The following MAP4K4 variants were observed in gnomAD, a reference collection of about 807,000 sequenced individuals.
MAP4K4 encodes mitogen-activated protein kinase kinase kinase kinase 4, also known as HPK/GCK-like kinase HGK.
In MAP4K4, 38 loss-of-function variants were observed where a neutral mutation model predicts 189.6. The ratio of observed to expected loss-of-function variants is 0.20; its 90% CI spans 0.15 to 0.26. The LOEUF is 0.26. Ranked by LOEUF, MAP4K4 falls within the 10% of genes least tolerant of loss-of-function variation. The probability of loss-of-function intolerance (pLI) is 1.00; values close to 1 mark genes in which losing one functional copy is unlikely to be tolerated. For missense variants in MAP4K4, 1,054 were observed against 1,726.9 expected (o/e 0.61, Z 6.91); for synonymous variants, 610 against 624.3 (o/e 0.98, Z 0.34).
intron 2 of MAP4K4, among the ~76,000 whole-genome samples, chr2:101,737,281 A>G (rs1229197963): frequency 6.6e-6 from 1 of 151,656 alleles, no homozygotes; most frequent in African/African-American, 2.4e-5. Flanking sequence ...AGCTCTAACA[A>G]GCTGCCACCC....
In MAP4K4 at chr2:101,793,840, G is replaced by C. The variant is rs1196659240; in HGVS notation, c.180+3064G>C. On this transcript the variant is annotated intron_variant, in intron 3 of 32. Transcript: ENST00000324219. ...TAGAGCTGGCTGCAGACAATGCAAAGATGTGGGCCCACTTCACTTGCTTTA... is the reference window on the plus strand; with the variant it reads ...TAGAGCTGGCTGCAGACAATGCAAACATGTGGGCCCACTTCACTTGCTTTA... 9.2e-5 allele frequency among the ~76,000 whole-genome samples: 14 copies of C among 152,242 alleles called. No homozygotes were observed. The South Asian group carries it at 1.0e-3, about 11-fold the overall frequency.
At chr2:101,788,591 GA>G (rs1409816687) in intron 2 of MAP4K4, among the ~76,000 whole-genome samples, 1 of 152,184 alleles carries the variant, frequency 6.6e-6, no homozygotes, top group African/African-American at 2.4e-5. Flanking sequence ...CTAATTTGGA[GA>G]CCTAGTAAGT....
chr2:101,718,365 A>G (rs2049676570), intron 2 of MAP4K4, among the ~76,000 whole-genome samples: 1 of 152,156 alleles, frequency 6.6e-6, no homozygotes, highest in Non-Finnish European at 1.5e-5. Context: ...AGGTTAAGTA[A>G]CTTGCCTAAA....
chr2:101,835,884 C>T lies in MAP4K4; in HGVS notation c.695-16C>T, dbSNP rs367618300. 71 of 1,578,736 alleles carry T rather than the reference C, an allele frequency of 4.5e-5. No individual in the cohort carries two copies. Among genetic ancestry groups the T allele is most frequent in the East Asian group, 2.9e-4 (13 of 44,692 alleles). ...GAAATAAGTGCCATACTGACACGAC[C>T]GTCTCCTCTCCCCAGCTCTCTGTGA... On this transcript the variant is annotated splice_polypyrimidine_tract_variant and intron_variant, in intron 8 of 32. Transcript: ENST00000324219.
At chr2:101,730,657 C>G (rs1291960664) in intron 2 of MAP4K4, among the ~76,000 whole-genome samples, 1 of 152,162 alleles carries the variant, frequency 6.6e-6, no homozygotes, top group Non-Finnish European at 1.5e-5. Flanking sequence ...ATTCACATGG[C>G]TTCAGTAGGG....
intron 2 of MAP4K4, among the ~76,000 whole-genome samples, chr2:101,730,216 G>A (rs963264977): frequency 6.6e-6 from 1 of 152,142 alleles, no homozygotes; most frequent in Non-Finnish European, 1.5e-5. Flanking sequence ...CTTTCTGTCA[G>A]GATTCTGGAA....
chr2:101,735,781 G>C (rs2060087101), intron 2 of MAP4K4, among the ~76,000 whole-genome samples: 1 of 152,182 alleles, frequency 6.6e-6, no homozygotes, highest in South Asian at 2.1e-4. Context: ...GTTGGATTAG[G>C]AGCTAGAAAA....
At chr2:101,839,713 C>T (rs1023190088) in intron 9 of MAP4K4, 106 bp from the exon 10 acceptor site, 17 of 806,464 alleles carry the variant, frequency 2.1e-5, no homozygotes, top group African/African-American at 8.7e-5. Flanking sequence ...AGAATGTTCA[C>T]AGTGAATTCT....
At position 101,856,224 on chromosome 2, in the gene MAP4K4, A is replaced by G; in HGVS notation, c.1395+86A>G. Reference sequence around the variant, plus strand: ...GGGGATTTTTAGAAAGTATACACACATGTGATGCATACACACATGTACACA... The same window carrying G: ...GGGGATTTTTAGAAAGTATACACACGTGTGATGCATACACACATGTACACA... On this transcript the variant is annotated intron_variant, in intron 13 of 32. Coordinates refer to ENST00000324219, the Ensembl canonical transcript of MAP4K4. 4.7e-6 allele frequency: 6 copies of G among 1,286,280 alleles called. 1 individual carries two copies. The South Asian group carries it at 8.6e-5, about 19-fold the overall frequency. The allele number at this position is 1,286,280 out of a possible 1,614,324, so 79.7% of individuals were successfully genotyped here. A position where few individuals can be genotyped will look rare whatever the true frequency, so the allele number is the denominator to read the frequency against.
exon 31 of MAP4K4, chr2:101,887,932 C>T: frequency 6.2e-7 from 1 of 1,601,246 alleles, no homozygotes; most frequent in Non-Finnish European, 8.5e-7. Flanking sequence ...ATGCCTACAT[C>T]AGTAGGTATG....
chr2:101,814,985 T>C (rs1009656), intron 3 of MAP4K4, among the ~76,000 whole-genome samples: 114,549 of 152,108 alleles, frequency 0.75, 43,594 homozygotes, highest in African/African-American at 0.88. Flanking sequence ...GCCATTGGCC[T>C]TGCCCTCTGA....
exon 33 of MAP4K4, chr2:101,892,029 GA>G (rs2098578823): frequency 4.2e-5 from 4 of 95,566 alleles, no homozygotes; most frequent in Non-Finnish European, 8.9e-5. Context: ...AAAAAAAAAA[GA>G]AAAAGAAAAC....
chr2:101,870,590 C>T (rs2097963234), intron 23 of MAP4K4, 175 bp downstream of exon 23: 1 of 755,348 alleles, frequency 1.3e-6, no homozygotes. Context: ...ACTGCATGCC[C>T]AGAAGGTAGC....
At chr2:101,816,848 T>A (rs1358997972) in intron 3 of MAP4K4, among the ~76,000 whole-genome samples, 1 of 152,012 alleles carries the variant, frequency 6.6e-6, no homozygotes, top group Non-Finnish European at 1.5e-5. Flanking sequence ...GACCATTGGT[T>A]TCAGTGGCCC....
intron 2 of MAP4K4, among the ~76,000 whole-genome samples, chr2:101,713,716 G>A (rs1214863728): frequency 1.5e-5 from 2 of 135,192 alleles, no homozygotes; most frequent in South Asian, 3.0e-4. Context: ...CCAGCATGGC[G>A]AAACCCCGTC....
rs536316620 is a variant in MAP4K4 at position 101,811,795 on chromosome 2, TACTG to T, written c.181-12130_181-12127del. 1.3e-3 allele frequency among the ~76,000 whole-genome samples: 192 copies of T among 152,304 alleles called. 1 individual carries two copies. The highest frequency in any genetic ancestry group is 4.5e-3 in the African/African-American group (188 of 41,564). Reference sequence around the variant, plus strand: ...TGCCAAGGAAAGTGGCATGGCAACTTACTGACCTTCATTTTTTTGGGTAACAGCA... The same window carrying T: ...TGCCAAGGAAAGTGGCATGGCAACTTACCTTCATTTTTTTGGGTAACAGCA... On this transcript the variant is annotated intron_variant, in intron 3 of 32. Coordinates refer to ENST00000324219, the Ensembl canonical transcript of MAP4K4.
intron 2 of MAP4K4, among the ~76,000 whole-genome samples, chr2:101,754,466 C>T (rs1477447244): frequency 6.7e-6 from 1 of 150,262 alleles, no homozygotes; most frequent in East Asian, 2.0e-4. Flanking sequence ...AATCTCCTGC[C>T]TCAGTTTCCC....
At chr2:101,767,370 T>G (rs2079078420) in intron 2 of MAP4K4, among the ~76,000 whole-genome samples, 1 of 152,234 alleles carries the variant, frequency 6.6e-6, no homozygotes. Context: ...TATTAGAATT[T>G]TTTTTTATTA....
In MAP4K4 at chr2:101,876,395, T is replaced by C. The variant is rs192306387; in HGVS notation, c.3242-608T>C. On this transcript the variant is annotated intron_variant, in intron 26 of 32. Coordinates refer to ENST00000324219, the Ensembl canonical transcript of MAP4K4. Reference sequence around the variant, plus strand: ...GGTTAGAGAAGTAGGGTGAGTCAAATATCAAATCACAATATTTTGATAGTC... The same window carrying C: ...GGTTAGAGAAGTAGGGTGAGTCAAACATCAAATCACAATATTTTGATAGTC... Among the ~76,000 whole-genome samples, 49 of 152,306 alleles carry C rather than the reference T, an allele frequency of 3.2e-4. 1 individual carries two copies. The highest frequency in any genetic ancestry group is 9.8e-4 in the Admixed American group (15 of 15,296).
Sources: allele counts gnomAD v4.1 joint callset (sites outside exome capture counted in the v4.1 genomes callset), GRCh38; gene constraint gnomAD v4.1.1; transcripts MANE v1.5; gene names NCBI Gene and HGNC (gene_info 2026-07-23, HGNC 2026-07-21).